FAM184B: variants seen among roughly 807,000 people sequenced by gnomAD.
FAM184B encodes family with sequence similarity 184 member B, also known as protein FAM184B.
A neutral mutation model predicts 135.9 loss-of-function variants in FAM184B; 111 were observed. That is an observed-to-expected ratio of 0.82 (90% confidence interval 0.70 to 0.96). The LOEUF (loss-of-function observed/expected upper bound fraction) is 0.96. FAM184B is among the 40% of genes least tolerant of loss of function. The probability of loss-of-function intolerance (pLI) is 0.00; values close to 1 mark genes in which losing one functional copy is unlikely to be tolerated. For synonymous variants in FAM184B, 552 were observed against 524.8 expected (o/e 1.05, Z -0.71); for missense variants, 1,375 against 1,323.9 (o/e 1.04, Z -0.60).
chr4:17,717,283 C>T (rs547356967), intron 1 of FAM184B, among the ~76,000 whole-genome samples: 2 of 152,314 alleles, frequency 1.3e-5, no homozygotes, highest in East Asian at 3.9e-4. Context: ...TCCTTCCCTC[C>T]TCTCTCACCC....
intron 1 of FAM184B, among the ~76,000 whole-genome samples, chr4:17,732,235 A>G (rs1717797776): frequency 6.6e-6 from 1 of 152,256 alleles, no homozygotes; most frequent in Non-Finnish European, 1.5e-5. Flanking sequence ...AGAAAGCAGG[A>G]AAGATCCAAA....
chr4:17,653,044 TC>T, intron 10 of FAM184B, 61 bp from the exon 11 acceptor site: 8 of 1,490,494 alleles, frequency 5.4e-6, no homozygotes, highest in Non-Finnish European at 7.3e-6. Context: ...GAGACCTGAC[TC>T]CTTTGCCAAG....
intron 1 of FAM184B, among the ~76,000 whole-genome samples, chr4:17,720,813 G>C (rs1717505390): frequency 1.3e-5 from 2 of 150,804 alleles, no homozygotes; most frequent in Non-Finnish European, 2.9e-5. Flanking sequence ...TTGAACCAGG[G>C]AGTTGGAGGT....
In FAM184B at chr4:17,642,127, G is replaced by A. The variant is rs1715340482; in HGVS notation, c.2448C>T (p.Asp816=). The change falls in exon 13 of 18, where the codon GAC becomes GAT. Residue 816 remains aspartate, a synonymous_variant. Coordinates refer to ENST00000265018, the MANE Select transcript of FAM184B (RefSeq NM_015688.2). ...CCTCCGCGCGCAGCCGCCGCACCGC[G>A]TCCTGGAGCTGCGCGTTCTCCTCCC... ...GLWEENAQLQ[D]AVRRLRAEVE... 2 of 1,533,308 alleles carry A rather than the reference G, an allele frequency of 1.3e-6. No individual in the cohort carries two copies. The highest frequency in any genetic ancestry group is 1.2e-5 in the South Asian group (1 of 83,892). 95.0% of individuals were successfully genotyped at this position (1,533,308 alleles called of 1,614,324 possible). A position where few individuals can be genotyped will look rare whatever the true frequency, so the allele number is the denominator to read the frequency against.
chr4:17,769,445 T>C (rs917186713), intron 1 of FAM184B, among the ~76,000 whole-genome samples: 4 of 152,164 alleles, frequency 2.6e-5, no homozygotes, highest in Non-Finnish European at 5.9e-5. Context: ...TCATTATTGT[T>C]TTTATTTTAC....
At chr4:17,735,492 C>T (rs181367668) in intron 1 of FAM184B, among the ~76,000 whole-genome samples, 180 of 151,996 alleles carry the variant, frequency 1.2e-3, no homozygotes, top group African/African-American at 4.1e-3. Context: ...ATGATATGAA[C>T]CTACATGTAG....
chr4:17,643,004 A>G (rs1715367591), intron 12 of FAM184B, among the ~76,000 whole-genome samples: 1 of 152,272 alleles, frequency 6.6e-6, no homozygotes, highest in Non-Finnish European at 1.5e-5. Context: ...TCTGTGGCCC[A>G]GGCCCCATGT....
intron 1 of FAM184B, among the ~76,000 whole-genome samples, chr4:17,729,608 A>G (rs1717727829): frequency 6.6e-6 from 1 of 152,248 alleles, no homozygotes; most frequent in African/African-American, 2.4e-5. Context: ...GCTGTTCTAC[A>G]GCCACCGCTG....
intron 15 of FAM184B, 96 bp from the exon 16 acceptor site, chr4:17,635,209 A>C (rs972589858): frequency 3.2e-6 from 3 of 950,268 alleles, no homozygotes; most frequent in Non-Finnish European, 4.8e-6. Flanking sequence ...ATAGAGAAGG[A>C]AAGTCCAGGG....
chr4:17,678,921 A>G (rs1460419807), intron 7 of FAM184B, among the ~76,000 whole-genome samples: 2 of 152,180 alleles, frequency 1.3e-5, no homozygotes, highest in Non-Finnish European at 2.9e-5. Flanking sequence ...AAAAACATAA[A>G]GTGGGGAAAG....
At chr4:17,769,092 C>T (rs2108996676) in intron 1 of FAM184B, among the ~76,000 whole-genome samples, 2 of 152,268 alleles carry the variant, frequency 1.3e-5, no homozygotes, top group African/African-American at 4.8e-5. Context: ...CATGAGCCAC[C>T]ATGCCTGGCC....
At chr4:17,656,098 C>T in intron 10 of FAM184B, among the ~76,000 whole-genome samples, 1 of 152,138 alleles carries the variant, frequency 6.6e-6, no homozygotes, top group East Asian at 1.9e-4. Flanking sequence ...GGACTCAGAC[C>T]TCATGGGTCC....
At chr4:17,663,536 ATG>A (rs1715966625) in intron 8 of FAM184B, among the ~76,000 whole-genome samples, 1 of 152,150 alleles carries the variant, frequency 6.6e-6, no homozygotes, top group Non-Finnish European at 1.5e-5. Flanking sequence ...TACAAAATTG[ATG>A]TGCAAAAATC....
chr4:17,712,746 C>CAA (rs61040302), intron 1 of FAM184B, among the ~76,000 whole-genome samples: 1 of 147,638 alleles, frequency 6.8e-6, no homozygotes, highest in African/African-American at 2.5e-5. Flanking sequence ...GTTTAGAAAA[C>CAA]AAAAAAAAAG....
chr4:17,692,973 G>A (rs1716768892), intron 6 of FAM184B, among the ~76,000 whole-genome samples: 1 of 151,774 alleles, frequency 6.6e-6, no homozygotes, highest in African/African-American at 2.4e-5. Context: ...AGGCAAAATT[G>A]CTAAGAGCCC....
At chr4:17,669,054 C>T (rs2041413) in intron 7 of FAM184B, among the ~76,000 whole-genome samples, 141,361 of 152,306 alleles carry the variant, frequency 0.93, 66,140 homozygotes, top group Non-Finnish European at 1. Context: ...ACTGAGAACA[C>T]GCTGCACAGC....
chr4:17,749,698 T>C (rs1399868921), intron 1 of FAM184B, among the ~76,000 whole-genome samples: 1 of 152,146 alleles, frequency 6.6e-6, no homozygotes, highest in African/African-American at 2.4e-5. Flanking sequence ...TGTATCATCT[T>C]AAAAAAATCA....
In FAM184B at chr4:17,631,829, A is replaced by C. The variant is rs1332520826; in HGVS notation, c.*703T>G. ...GGTTAGATGTGCATTTTGGAATTGC[A>C]TCATTTTACATAGAAACAGCTTTCC... On this transcript the variant is annotated 3_prime_UTR_variant, in exon 18 of 18. Coordinates refer to ENST00000265018, the MANE Select transcript of FAM184B (RefSeq NM_015688.2). The C allele has an allele frequency of 6.6e-6, 1 of 152,138 alleles. No individual in the cohort carries two copies. Among genetic ancestry groups the C allele is most frequent in the Non-Finnish European group, 1.5e-5 (1 of 68,036 alleles). 9.4% of individuals were successfully genotyped at this position (152,138 alleles called of 1,614,324 possible). A position where few individuals can be genotyped will look rare whatever the true frequency, so the allele number is the denominator to read the frequency against.
intron 17 of FAM184B, 120 bp from the exon 18 acceptor site, chr4:17,632,745 G>T: frequency 1.5e-6 from 1 of 660,280 alleles, no homozygotes; most frequent in Non-Finnish European, 2.6e-6. Context: ...CACCCAAATG[G>T]GACTGGCCAA....
Sources: gnomAD v4.1 joint callset for allele counts (sites outside exome capture counted in the v4.1 genomes callset) on GRCh38, gnomAD v4.1.1 for gene constraint, MANE v1.5 for transcripts, NCBI Gene and HGNC (gene_info 2026-07-23, HGNC 2026-07-21) for gene names.